FXR1: variants seen among roughly 807,000 people sequenced by gnomAD.
The protein encoded by FXR1 is FMR1 autosomal homolog 1, also known as RNA-binding protein FXR1.
Under a neutral mutation model 84.0 loss-of-function variants are expected in FXR1, and 15 were observed. The ratio of observed to expected loss-of-function variants is 0.18; its 90% CI spans 0.12 to 0.27. FXR1 has a LOEUF of 0.27. FXR1 is among the 10% of genes least tolerant of loss of function. The pLI, the probability that FXR1 is intolerant of heterozygous loss-of-function variation, is 1.00. For missense variants in FXR1, 480 were observed against 774.4 expected, an observed-to-expected ratio of 0.62 and a Z score of 4.51; for synonymous variants, 245 against 250.7, an observed-to-expected ratio of 0.98 and a Z score of 0.21.
intron 11 of FXR1, among the ~76,000 whole-genome samples, chr3:180,962,566 T>C (rs1211336762): frequency 6.6e-6 from 1 of 152,214 alleles, no homozygotes; most frequent in Non-Finnish European, 1.5e-5. Flanking sequence ...CTGGTAATAT[T>C]GTATAATTGT....
chr3:180,971,858 T>G (rs1713629567), intron 15 of FXR1: 1 of 152,636 alleles, frequency 6.6e-6, no homozygotes, highest in Non-Finnish European at 1.5e-5. Context: ...ATATTCACAA[T>G]GAAGCAATTG....
rs548951575 is a variant in FXR1 at position 180,980,578 on chromosome 3, C to T, written c.*4286C>T. 1.3e-5 allele frequency: 2 copies of T among 152,060 alleles called. No individual in the cohort carries two copies. The highest frequency in any genetic ancestry group is 2.9e-5 in the Non-Finnish European group (2 of 67,892). 9.4% of individuals were successfully genotyped at this position (152,060 alleles called of 1,614,324 possible). A position where few individuals can be genotyped will look rare whatever the true frequency, so the allele number is the denominator to read the frequency against. Reference sequence around the variant, plus strand: ...TCAACCTCTAGGCTTCCTTTTTCAGCTAACTTGGCTGTCTTCAGGTTGTAA... The same window carrying T: ...TCAACCTCTAGGCTTCCTTTTTCAGTTAACTTGGCTGTCTTCAGGTTGTAA... On this transcript the variant is annotated 3_prime_UTR_variant, in exon 17 of 17. Coordinates refer to ENST00000357559, the MANE Select transcript of FXR1 (RefSeq NM_005087.4).
chr3:180,935,761 A>G (rs1029314530), intron 3 of FXR1, among the ~76,000 whole-genome samples: 11 of 152,220 alleles, frequency 7.2e-5, no homozygotes, highest in African/African-American at 2.7e-4. Context: ...AGGGAAAGAA[A>G]AATCACAGCT....
intron 16 of FXR1, 42 bp from the exon 17 acceptor site, chr3:180,976,080 T>A: frequency 6.6e-7 from 1 of 1,516,754 alleles, no homozygotes; most frequent in Non-Finnish European, 9.0e-7. Context: ...AGCTATAGAT[T>A]TCATTTATAA....
chr3:180,944,619 GC>G (rs950244703), intron 3 of FXR1, among the ~76,000 whole-genome samples: 18 of 152,090 alleles, frequency 1.2e-4, no homozygotes, highest in Admixed American at 9.8e-4. Flanking sequence ...GAGCCACTGT[GC>G]CCCCCATTAT....
chr3:180,921,026 A>T (rs1465525401), intron 1 of FXR1, among the ~76,000 whole-genome samples: 1 of 152,122 alleles, frequency 6.6e-6, no homozygotes, highest in African/African-American at 2.4e-5. Context: ...GCTCAATACT[A>T]ATGAATGCTG....
At position 180,935,382 on chromosome 3, in the gene FXR1, C is replaced by T. The variant is rs1035178513; in HGVS notation, c.198+151C>T. 6 of 558,012 alleles carry T rather than the reference C, an allele frequency of 1.1e-5. No homozygotes were observed. In the African/African-American group the frequency reaches 1.2e-4, roughly 11 times the overall value. 34.6% of individuals were successfully genotyped at this position (558,012 alleles called of 1,614,324 possible). On this transcript the variant is annotated intron_variant, in intron 3 of 16. Transcript: ENST00000357559. ...GTAATAGCTGTGTAATACAGCAGTG[C>T]TTGAGTTTTGGAGTTAGAATCGGTC... is the stretch of plus-strand genomic sequence containing the variant.
chr3:180,919,682 GTTTTA>G (rs1346783499), intron 1 of FXR1, among the ~76,000 whole-genome samples: 1 of 149,428 alleles, frequency 6.7e-6, no homozygotes, highest in East Asian at 2.0e-4. Context: ...CATGCATTTT[GTTTTA>G]TTTTGAGATG....
intron 1 of FXR1, among the ~76,000 whole-genome samples, chr3:180,915,993 G>A (rs1325874839): frequency 6.6e-6 from 1 of 152,168 alleles, no homozygotes; most frequent in African/African-American, 2.4e-5. Flanking sequence ...ATAAATCTGC[G>A]GGGATGAGAG....
intron 15 of FXR1, chr3:180,971,092 C>A (rs745740524): frequency 2.3e-5 from 29 of 1,247,566 alleles, no homozygotes; most frequent in African/African-American, 6.2e-5. Flanking sequence ...TGAAAAAAAA[C>A]CCCAGCGACG....
chr3:180,923,078 AT>A (rs1718769649), intron 1 of FXR1, among the ~76,000 whole-genome samples: 1 of 151,918 alleles, frequency 6.6e-6, no homozygotes, highest in South Asian at 2.1e-4. Context: ...TTGGAGTTTT[AT>A]TTTTACATTT....
At chr3:180,926,502 A>ATTTTT (rs200360717) in intron 1 of FXR1, among the ~76,000 whole-genome samples, 8 of 48,958 alleles carry the variant, frequency 1.6e-4, no homozygotes, top group African/African-American at 6.6e-4. Flanking sequence ...ATATATATAT[A>ATTTTT]TATATTTTTT....
intron 13 of FXR1, among the ~76,000 whole-genome samples, chr3:180,966,879 T>G (rs1712900102): frequency 1.3e-5 from 2 of 152,204 alleles, no homozygotes; most frequent in South Asian, 4.1e-4. Flanking sequence ...TGGAAATGAA[T>G]ATGATAGTGA....
chr3:180,939,687 C>G (rs1322748102), intron 3 of FXR1, among the ~76,000 whole-genome samples: 2 of 152,148 alleles, frequency 1.3e-5, no homozygotes, highest in African/African-American at 4.8e-5. Flanking sequence ...TTAGCTTGTC[C>G]AAGGTTAGTC....
chr3:180,941,982 ATAAT>A (rs898778743), intron 3 of FXR1, among the ~76,000 whole-genome samples: 4 of 152,180 alleles, frequency 2.6e-5, no homozygotes, highest in African/African-American at 9.7e-5. Context: ...TTAATAGTAA[ATAAT>A]AGGAAAATTT....
In FXR1 at chr3:180,922,561, C is replaced by T. The variant is rs140177885; in HGVS notation, c.51+9825C>T. 8.4e-3 allele frequency among the ~76,000 whole-genome samples: 1,280 copies of T among 152,170 alleles called. 21 individuals are homozygous for T. Among genetic ancestry groups the T allele is most frequent in the African/African-American group, 0.029 (1,223 of 41,492 alleles). ...TCTTTCTGTATTATGGATATTAAGC[C>T]TCTGACCTGATGTAAGAGTGTCCAC... On this transcript the variant is annotated intron_variant, in intron 1 of 16. Coordinates refer to ENST00000357559, the MANE Select transcript of FXR1 (RefSeq NM_005087.4).
chr3:180,956,185 A>C (rs906641262), intron 9 of FXR1, among the ~76,000 whole-genome samples: 6 of 152,200 alleles, frequency 3.9e-5, no homozygotes, highest in Admixed American at 3.9e-4. Flanking sequence ...TAAGATGACC[A>C]TTCCCACCCC....
chr3:180,970,420 A>ATATAT (rs1301364447), intron 15 of FXR1, 62 bp downstream of exon 15: 21 of 253,580 alleles, frequency 8.3e-5, no homozygotes, highest in Non-Finnish European at 1.4e-4. Flanking sequence ...ATATATATAT[A>ATATAT]TAATTGTAAA....
chr3:180,929,189 G>A (rs893010563), intron 1 of FXR1, among the ~76,000 whole-genome samples: 1 of 152,166 alleles, frequency 6.6e-6, no homozygotes, highest in African/African-American at 2.4e-5. Flanking sequence ...ACAGGCGTGA[G>A]CCACCGCGCC....
Sources: gnomAD v4.1 joint callset for allele counts (sites outside exome capture counted in the v4.1 genomes callset) on GRCh38, gnomAD v4.1.1 for gene constraint, MANE v1.5 for transcripts, NCBI Gene and HGNC (gene_info 2026-07-23, HGNC 2026-07-21) for gene names.